Variants in TLR7 observed in about 807,000 individuals in gnomAD.
The protein encoded by TLR7 is toll like receptor 7.
In TLR7, 12 loss-of-function variants were observed where a neutral mutation model predicts 38.3. The ratio of observed to expected loss-of-function variants is 0.31; its 90% CI spans 0.20 to 0.51. The LOEUF is 0.51. TLR7 is among the 20% of genes least tolerant of loss of function. TLR7 has a pLI of 0.98. For synonymous variants in TLR7, 285 were observed against 293.8 expected, an observed-to-expected ratio of 0.97 and a Z score of 0.31; for missense variants, 504 against 743.4, an observed-to-expected ratio of 0.68 and a Z score of 3.74.
At position 12,890,036 on chromosome X, in the gene TLR7, C is replaced by T. The variant is rs1200198207; in HGVS notation, c.*1378C>T. 8.9e-6 allele frequency: 1 copy of T among 112,659 alleles called. No homozygotes were observed. The highest frequency in any genetic ancestry group is 3.2e-5 in the African/African-American group (1 of 31,013). The allele number at this position is 112,659 out of a possible 1,213,427, so 9.3% of individuals were successfully genotyped here. ...TCAGATTCAAAAACAACAGAAAGAACCAAGACATTCTTAAGATGCCTGTAC... is the reference window on the plus strand; with the variant it reads ...TCAGATTCAAAAACAACAGAAAGAATCAAGACATTCTTAAGATGCCTGTAC... On this transcript the variant is annotated 3_prime_UTR_variant, in exon 3 of 3. Transcript: ENST00000380659.
At chrX:12,869,054 G>C (rs1371989635) in intron 2 of TLR7, among the ~76,000 whole-genome samples, 2 of 111,333 alleles carry the variant, frequency 1.8e-5, no homozygotes, top group African/African-American at 6.5e-5. Flanking sequence ...ACGAAACTGG[G>C]GCTTTGAGAG....
At position 12,868,732 on chromosome X, in the gene TLR7, C is replaced by T. The variant is rs1327176391; in HGVS notation, c.3+1151C>T. Among the ~76,000 whole-genome samples the T allele has an allele frequency of 2.7e-5, 3 of 111,770 alleles. No individual in the cohort carries two copies. The East Asian group carries it at 8.4e-4, about 31-fold the overall frequency. ...GCCTTTTTCTGAAATTATTTTGTCA[C>T]TTAAATCAGACACATTCTAGATCCG... On this transcript the variant is annotated intron_variant, in intron 2 of 2. Transcript: ENST00000380659.
At chrX:12,883,149 TGACTC>T (rs1382128040) in intron 2 of TLR7, among the ~76,000 whole-genome samples, 1 of 112,161 alleles carries the variant, frequency 8.9e-6, no homozygotes, top group Non-Finnish European at 1.9e-5. Flanking sequence ...CCCTCTATCT[TGACTC>T]AACTCCTCCT....
Position 12,887,603 on chromosome X carries a change from A to C in TLR7, c.2095A>C (p.Lys699Gln). Residue 699 changes from lysine (K) to glutamine (Q), a missense_variant, in exon 3 of 3, where the codon AAG becomes CAG. Coordinates refer to ENST00000380659, the MANE Select transcript of TLR7 (RefSeq NM_016562.4). ...SFSWKKLQCL[K>Q]NLETLDLSHN... is the part of the protein sequence containing the mutation. ...CAGTTGGAAGAAACTCCAGTGTCTA[A>C]AGAACCTGGAAACTTTGGACCTCAG... is the stretch of plus-strand genomic sequence containing the variant. 1 of 1,209,876 alleles carries C rather than the reference A, an allele frequency of 8.3e-7. No homozygotes were observed. Among genetic ancestry groups the C allele is most frequent in the Non-Finnish European group, 1.1e-6 (1 of 894,813 alleles).
In TLR7 at chrX:12,887,574, C is replaced by G; in HGVS notation, c.2066C>G (p.Ser689Cys). ...TCTTTGGCCAAAAATGGGCTCAAAT[C>G]TTTCAGTTGGAAGAAACTCCAGTGT... ...NLSLAKNGLK[S>C]FSWKKLQCLK... The change falls in exon 3 of 3, where the codon TCT (serine) becomes TGT (cysteine). Residue 689 changes from serine to cysteine, a missense_variant. By Grantham distance (112) the Ser-to-Cys change is moderately radical. Coordinates refer to ENST00000380659, the MANE Select transcript of TLR7 (RefSeq NM_016562.4). 1 of 1,210,835 alleles carries G rather than the reference C, an allele frequency of 8.3e-7. No homozygotes were observed. Among genetic ancestry groups the G allele is most frequent in the Non-Finnish European group, 1.1e-6 (1 of 895,337 alleles).
chrX:12,880,431 G>A (rs1040910715), intron 2 of TLR7, among the ~76,000 whole-genome samples: 1 of 111,858 alleles, frequency 8.9e-6, no homozygotes, highest in African/African-American at 3.3e-5. Context: ...GAGATGAGAG[G>A]AGGGAGTGAT....
intron 2 of TLR7, among the ~76,000 whole-genome samples, chrX:12,870,932 G>A (rs1295451062): frequency 8.9e-6 from 1 of 111,894 alleles, no homozygotes; most frequent in East Asian, 2.8e-4. Context: ...GGGGCTTATA[G>A]AAAACAAAGG....
chrX:12,879,386 G>A (rs2042883748), intron 2 of TLR7, among the ~76,000 whole-genome samples: 1 of 112,097 alleles, frequency 8.9e-6, no homozygotes, highest in Admixed American at 9.5e-5. Context: ...AATTAGGTTT[G>A]CATTTGTGCA....
At chrX:12,867,345 T>C in intron 1 of TLR7, 136 bp from the exon 2 acceptor site, 2 of 309,840 alleles carry the variant, frequency 6.5e-6, no homozygotes. Flanking sequence ...GTCTCCAGTC[T>C]ACCTAACTTT....
intron 2 of TLR7, among the ~76,000 whole-genome samples, chrX:12,874,412 C>G (rs1448980884): frequency 9.0e-6 from 1 of 111,624 alleles, no homozygotes; most frequent in Non-Finnish European, 1.9e-5. Flanking sequence ...TTTCCTCCCT[C>G]TGTGGAATTC....
At position 12,886,929 on chromosome X, in the gene TLR7, G is replaced by A; in HGVS notation, c.1421G>A (p.Ser474Asn). ...HYFRYDKYAR[S>N]CRFKNKEASF... The stretch of plus-strand genomic sequence containing the variant: ...TTCAGATATGATAAGTATGCAAGGA[G>A]TTGCAGATTCAAAAACAAAGAGGCT... The change falls in exon 3 of 3, where the codon AGT becomes AAT. Residue 474 changes from serine to asparagine, a missense_variant. Physicochemically the swap from Ser to Asn is conservative, Grantham distance 46 (BLOSUM62 1). Transcript: ENST00000380659. 3.3e-6 allele frequency: 4 copies of A among 1,210,142 alleles called. No individual in the cohort carries two copies. Among genetic ancestry groups the A allele is most frequent in the Non-Finnish European group, 4.5e-6 (4 of 894,593 alleles).
chrX:12,886,278 GTGGAAAT>G lies in TLR7; in HGVS notation c.773_779del (p.Gly258AlafsTer24). On this transcript the variant is annotated frameshift_variant, in exon 3 of 3. Coordinates refer to ENST00000380659, the MANE Select transcript of TLR7 (RefSeq NM_016562.4). LOFTEE classifies it high-confidence loss of function. Reference sequence around the variant, plus strand: ...AACCAATTACAAATTCTTGACCTAAGTGGAAATTGCCCTCGTTGTTATAATGCCCCAT... The same window carrying G: ...AACCAATTACAAATTCTTGACCTAAGTGCCCTCGTTGTTATAATGCCCCAT... 8.3e-7 allele frequency: 1 copy of G among 1,211,630 alleles called. No individual in the cohort carries two copies. Among genetic ancestry groups the G allele is most frequent in the Non-Finnish European group, 1.1e-6 (1 of 895,337 alleles).
chrX:12,873,691 T>C (rs1380847417), intron 2 of TLR7, among the ~76,000 whole-genome samples: 3 of 112,234 alleles, frequency 2.7e-5, no homozygotes, highest in Non-Finnish European at 5.6e-5. Context: ...CCAGAAGAAA[T>C]TGCTATTAAA....
At chrX:12,877,395 C>A (rs751472182) in intron 2 of TLR7, 1 of 99,857 alleles carries the variant, frequency 1.0e-5, no homozygotes, top group East Asian at 3.2e-4. Flanking sequence ...ATAGTGAGTT[C>A]ATTTTTCTCC....
intron 2 of TLR7, among the ~76,000 whole-genome samples, chrX:12,881,517 GTTAT>G (rs1188792576): frequency 2.7e-4 from 28 of 102,034 alleles, no homozygotes; most frequent in Admixed American, 2.7e-3. Context: ...AAATAACTGA[GTTAT>G]TTATTCTTTT....
chrX:12,879,994 C>T (rs996900974), intron 2 of TLR7, among the ~76,000 whole-genome samples: 3 of 111,942 alleles, frequency 2.7e-5, no homozygotes, highest in Admixed American at 9.5e-5. Context: ...ATAAGAACAA[C>T]GTACAGTTCA....
Position 12,887,636 on chromosome X carries a change from C to A in TLR7, c.2128C>A (p.Gln710Lys). 2 of 1,210,609 alleles carry A rather than the reference C, an allele frequency of 1.7e-6. No homozygotes were observed. The highest frequency in any genetic ancestry group is 2.2e-6 in the Non-Finnish European group (2 of 894,805). The change falls in exon 3 of 3, where the codon CAA (glutamine) becomes AAA (lysine). Residue 710 changes from glutamine to lysine, a missense_variant. By Grantham distance (53) the Gln-to-Lys change is moderately conservative. Transcript: ENST00000380659. ...GGAAACTTTGGACCTCAGCCACAAC[C>A]AACTGACCACTGTCCCTGAGAGATT... ...NLETLDLSHN[Q>K]LTTVPERLSN...
intron 2 of TLR7, chrX:12,877,344 T>C (rs1167122480): frequency 1.9e-5 from 2 of 103,836 alleles, no homozygotes; most frequent in African/African-American, 3.7e-5. Flanking sequence ...TTTTTTTTTT[T>C]CCAACCTGTG....
intron 2 of TLR7, among the ~76,000 whole-genome samples, chrX:12,881,243 T>C (rs5743767): frequency 0.039 from 4,136 of 105,523 alleles, 186 homozygotes; most frequent in African/African-American, 0.13. Flanking sequence ...ATAATAATAA[T>C]AATAATAATA....
Sources: gnomAD v4.1 joint callset for allele counts (sites outside exome capture counted in the v4.1 genomes callset) on GRCh38, gnomAD v4.1.1 for gene constraint, MANE v1.5 for transcripts, NCBI Gene and HGNC (gene_info 2026-07-23, HGNC 2026-07-21) for gene names.